FAM114A2: variants seen among roughly 807,000 people sequenced by gnomAD.
The protein encoded by FAM114A2 is protein FAM114A2.
Under a neutral mutation model 58.4 loss-of-function variants are expected in FAM114A2, and 53 were observed. The observed-to-expected ratio is 0.91, with a 90% CI of 0.73 to 1.14. FAM114A2 has a LOEUF of 1.14. FAM114A2 is among the 50% of genes most tolerant of loss of function. The pLI is 0.00. For missense variants in FAM114A2, 601 were observed against 581.1 expected, an observed-to-expected ratio of 1.03 and a Z score of -0.35; for synonymous variants, 228 against 211.4, an observed-to-expected ratio of 1.08 and a Z score of -0.68.
At chr5:154,021,733 T>C (rs577726120) in intron 8 of FAM114A2, among the ~76,000 whole-genome samples, 22 of 152,280 alleles carry the variant, frequency 1.4e-4, no homozygotes, top group African/African-American at 4.8e-4. Flanking sequence ...CAAGGTAATT[T>C]ATAGATTCAA....
At chr5:153,998,271 T>C (rs1047752727) in intron 11 of FAM114A2, among the ~76,000 whole-genome samples, 1 of 152,232 alleles carries the variant, frequency 6.6e-6, no homozygotes, top group Admixed American at 6.5e-5. Flanking sequence ...GTTATCAGAC[T>C]GACTGTTGTG....
chr5:153,999,972 T>C (rs111451337), intron 11 of FAM114A2, among the ~76,000 whole-genome samples: 5,542 of 152,262 alleles, frequency 0.036, 270 homozygotes, highest in African/African-American at 0.11. Context: ...TGTGTGTATA[T>C]ATGTATATGT....
At chr5:154,020,725 G>A (rs1771358178) in intron 8 of FAM114A2, among the ~76,000 whole-genome samples, 1 of 152,044 alleles carries the variant, frequency 6.6e-6, no homozygotes, top group African/African-American at 2.4e-5. Flanking sequence ...GGACAAAGAG[G>A]AGCTGTTACC....
intron 9 of FAM114A2, 127 bp downstream of exon 9, chr5:154,011,114 C>T: frequency 1.5e-6 from 1 of 673,630 alleles, no homozygotes; most frequent in Non-Finnish European, 2.5e-6. Context: ...GAACCCAATT[C>T]TGGGTATAAC....
intron 12 of FAM114A2, among the ~76,000 whole-genome samples, chr5:153,996,427 G>A (rs1249914846): frequency 2.6e-5 from 4 of 151,822 alleles, no homozygotes; most frequent in African/African-American, 7.3e-5. Context: ...TAAATGTAAG[G>A]GCTACAACCA....
intron 12 of FAM114A2, among the ~76,000 whole-genome samples, chr5:153,997,297 A>G (rs962106039): frequency 2.0e-5 from 3 of 152,312 alleles, no homozygotes; most frequent in African/African-American, 7.2e-5. Flanking sequence ...ATAAAAACAT[A>G]CATGCATGTT....
rs1357677161 is a variant in FAM114A2, at chr5:153,993,124, A to T, written c.1384-14T>A. On this transcript the variant is annotated splice_polypyrimidine_tract_variant and intron_variant, in intron 13 of 13. Coordinates refer to ENST00000351797, the MANE Select transcript of FAM114A2 (RefSeq NM_018691.4). ...ACTGTTTGATGCCTGCCAGGATTGAAAAAACAAGAAAAAGAAAATATTAGT... is the reference window on the plus strand; with the variant it reads ...ACTGTTTGATGCCTGCCAGGATTGATAAAACAAGAAAAAGAAAATATTAGT... The T allele has an allele frequency of 6.3e-7, 1 of 1,597,514 alleles. No individual in the cohort carries two copies. The highest frequency in any genetic ancestry group is 8.5e-7 in the Non-Finnish European group (1 of 1,172,896).
At chr5:154,007,738 T>C (rs781244738) in intron 9 of FAM114A2, among the ~76,000 whole-genome samples, 5 of 152,226 alleles carry the variant, frequency 3.3e-5, no homozygotes, top group Non-Finnish European at 5.9e-5. Flanking sequence ...CACATATGTA[T>C]ATTTATTGAA....
At chr5:154,028,027 C>A in intron 6 of FAM114A2, 122 bp downstream of exon 6, 3 of 848,330 alleles carry the variant, frequency 3.5e-6, no homozygotes, top group South Asian at 4.3e-5. Context: ...CCCAAAAAAA[C>A]GCCTGAATAA....
At chr5:154,003,919 G>A (rs1278726365) in intron 9 of FAM114A2, among the ~76,000 whole-genome samples, 1 of 152,118 alleles carries the variant, frequency 6.6e-6, no homozygotes, top group African/African-American at 2.4e-5. Context: ...CATATATAAT[G>A]GTGGTCCTGT....
chr5:153,996,342 C>T lies in FAM114A2; in HGVS notation c.1330-1370G>A, dbSNP rs558775493. ...CATAGTACTGGAACAAACGGATATC[C>T]ATATGCAAAAGCATGAAGCAGGGCC... On this transcript the variant is annotated intron_variant, in intron 12 of 13. Coordinates refer to ENST00000351797, the MANE Select transcript of FAM114A2 (RefSeq NM_018691.4). Among the ~76,000 whole-genome samples the T allele has an allele frequency of 6.6e-5, 10 of 152,182 alleles. No homozygotes were observed. In the South Asian group the frequency reaches 8.3e-4, roughly 13 times the overall value.
At position 153,992,884 on chromosome 5, in the gene FAM114A2, A is replaced by G. The variant is rs1048761134; in HGVS notation, c.*92T>C. 1 of 1,175,838 alleles carries G rather than the reference A, an allele frequency of 8.5e-7. No individual in the cohort carries two copies. Among genetic ancestry groups the G allele is most frequent in the African/African-American group, 1.5e-5 (1 of 64,802 alleles). 72.8% of individuals were successfully genotyped at this position (1,175,838 alleles called of 1,614,324 possible). A position where few individuals can be genotyped will look rare whatever the true frequency, so the allele number is the denominator to read the frequency against. On this transcript the variant is annotated 3_prime_UTR_variant, in exon 14 of 14. Transcript: ENST00000351797. ...TCCTGCCTGAATTTTTATATACTAAAATAACCCCACTCCTTCATTTCTGCA... is the reference window on the plus strand; with the variant it reads ...TCCTGCCTGAATTTTTATATACTAAGATAACCCCACTCCTTCATTTCTGCA...
chr5:154,032,227 G>A (rs763361459), intron 4 of FAM114A2, among the ~76,000 whole-genome samples: 45 of 152,180 alleles, frequency 3.0e-4, no homozygotes, highest in Non-Finnish European at 6.3e-4. Flanking sequence ...TTCAAAAAAA[G>A]TATGGAAGGT....
intron 9 of FAM114A2, among the ~76,000 whole-genome samples, chr5:154,006,908 T>C (rs984897925): frequency 6.6e-6 from 1 of 151,738 alleles, no homozygotes; most frequent in Admixed American, 6.6e-5. Context: ...GCTATTCTCC[T>C]GCCTCAGCCT....
rs953856114 is a variant in FAM114A2 at position 154,002,424 on chromosome 5, C to A, written c.1117-34G>T. ...AAAAACAAAACAAAGCATAGCAAAA[C>A]AAAACATTTGGTGGAAAGATACCAC... On this transcript the variant is annotated intron_variant, in intron 10 of 13. Transcript: ENST00000351797. The A allele has an allele frequency of 1.9e-6, 3 of 1,604,642 alleles. No homozygotes were observed. The Admixed American group carries it at 5.0e-5, about 27-fold the overall frequency.
At position 153,997,792 on chromosome 5, in the gene FAM114A2, T is replaced by C; in HGVS notation, c.1329+11A>G. 2 of 1,503,506 alleles carry C rather than the reference T, an allele frequency of 1.3e-6. No individual in the cohort carries two copies. The highest frequency in any genetic ancestry group is 2.3e-5 in the East Asian group (1 of 44,342). The allele number at this position is 1,503,506 out of a possible 1,614,324, so 93.1% of individuals were successfully genotyped here. A position where few individuals can be genotyped will look rare whatever the true frequency, so the allele number is the denominator to read the frequency against. On this transcript the variant is annotated intron_variant, in intron 12 of 13. Transcript: ENST00000351797. The stretch of plus-strand genomic sequence containing the variant: ...ACAAACATTATTGCAGTAAGAGGCA[T>C]GGATTCTTACCCCAGCAGTTGTTAG...
rs867219098 is a variant in FAM114A2 at position 153,996,969 on chromosome 5, C to G, written c.1329+834G>C. On this transcript the variant is annotated intron_variant, in intron 12 of 13. Transcript: ENST00000351797. ...CTGAGATCATGCCATTGCACTCCAGCCTGGGTGACAAGAGCAAAACTTAAA... is the reference window on the plus strand; with the variant it reads ...CTGAGATCATGCCATTGCACTCCAGGCTGGGTGACAAGAGCAAAACTTAAA... Among the ~76,000 whole-genome samples the G allele has an allele frequency of 2.1e-5, 3 of 143,050 alleles. 1 individual carries two copies. Among genetic ancestry groups the G allele is most frequent in the African/African-American group, 7.9e-5 (3 of 38,152 alleles). The allele number at this position is 143,050 out of a possible 152,430, so 93.8% of individuals were successfully genotyped here. A position where few individuals can be genotyped will look rare whatever the true frequency, so the allele number is the denominator to read the frequency against.
intron 9 of FAM114A2, among the ~76,000 whole-genome samples, chr5:154,007,771 G>T (rs1770449838): frequency 6.6e-6 from 1 of 152,102 alleles, no homozygotes; most frequent in African/African-American, 2.4e-5. Context: ...GAGGACATCG[G>T]GCTGTCTTCT....
chr5:154,032,916 T>A (rs917768794), intron 4 of FAM114A2, among the ~76,000 whole-genome samples: 1 of 152,190 alleles, frequency 6.6e-6, no homozygotes, highest in Non-Finnish European at 1.5e-5. Flanking sequence ...ATGCTGTTAC[T>A]TGCAGCTAAA....
Sources: allele counts gnomAD v4.1 joint callset (sites outside exome capture counted in the v4.1 genomes callset), GRCh38; gene constraint gnomAD v4.1.1; transcripts MANE v1.5; gene names NCBI Gene and HGNC (gene_info 2026-07-23, HGNC 2026-07-21).